Variants in WASL observed in about 807,000 individuals in gnomAD.
WASL encodes the protein actin nucleation-promoting factor WASL.
A neutral mutation model predicts 55.5 loss-of-function variants in WASL; 20 were observed. The ratio of observed to expected loss-of-function variants is 0.36; its 90% CI spans 0.25 to 0.52. The LOEUF is 0.52. WASL is among the 20% of genes least tolerant of loss of function. The pLI is 0.92. For synonymous variants in WASL, 249 were observed against 217.6 expected (o/e 1.14, Z -1.27); for missense variants, 504 against 622.5 (o/e 0.81, Z 2.03).
chr7:123,743,381 G>C (rs926292338), intron 1 of WASL, among the ~76,000 whole-genome samples: 1 of 151,320 alleles, frequency 6.6e-6, no homozygotes, highest in Non-Finnish European at 1.5e-5. Flanking sequence ...CACAATGTAT[G>C]GTAGCAGAGC....
At chr7:123,748,518 C>T in intron 1 of WASL, 100 bp downstream of exon 1, 2 of 1,315,958 alleles carry the variant, frequency 1.5e-6, no homozygotes, top group Non-Finnish European at 2.1e-6. Context: ...AGGCCTGGCC[C>T]GCGCCGCTCC....
At chr7:123,698,143 G>C (rs1387165144) in intron 5 of WASL, among the ~76,000 whole-genome samples, 1 of 151,448 alleles carries the variant, frequency 6.6e-6, no homozygotes, top group Non-Finnish European at 1.5e-5. Context: ...ATAAATGTTT[G>C]CCATGAGTAC....
At chr7:123,727,497 A>G (rs1804070776) in intron 1 of WASL, among the ~76,000 whole-genome samples, 1 of 152,178 alleles carries the variant, frequency 6.6e-6, no homozygotes, top group Non-Finnish European at 1.5e-5. Context: ...GTAAACACTG[A>G]CCAGTTGACT....
In WASL at chr7:123,689,038, CT is replaced by C; in HGVS notation, c.1456+3del. The C allele has an allele frequency of 6.8e-7, 1 of 1,468,666 alleles. No individual in the cohort carries two copies. The highest frequency in any genetic ancestry group is 9.5e-7 in the Non-Finnish European group (1 of 1,057,930). The allele number at this position is 1,468,666 out of a possible 1,614,324, so 91.0% of individuals were successfully genotyped here. ...TCTCTCTCTCTCTCTCTCTCTCTCT[CT>C]ACCTGAAGAATGAATGGCTTTGCTC... On this transcript the variant is annotated splice_donor_region_variant and intron_variant, in intron 10 of 10. Transcript: ENST00000223023.
intron 1 of WASL, among the ~76,000 whole-genome samples, chr7:123,736,937 C>T (rs1170358505): frequency 6.6e-6 from 1 of 152,132 alleles, no homozygotes; most frequent in East Asian, 1.9e-4. Flanking sequence ...GAGAGACTTA[C>T]TCTTATCAAA....
At chr7:123,697,546 A>C (rs1430957428) in intron 5 of WASL, among the ~76,000 whole-genome samples, 6 of 152,226 alleles carry the variant, frequency 3.9e-5, no homozygotes, top group Non-Finnish European at 7.3e-5. Context: ...AAAGGGCAAC[A>C]CATGTTCCTC....
chr7:123,744,549 T>G (rs917981231), intron 1 of WASL, among the ~76,000 whole-genome samples: 2 of 152,098 alleles, frequency 1.3e-5, no homozygotes, highest in Admixed American at 1.3e-4. Context: ...TAAGGTTGAT[T>G]AATAAAAATG....
chr7:123,731,682 T>C (rs1030338215), intron 1 of WASL, among the ~76,000 whole-genome samples: 1 of 152,132 alleles, frequency 6.6e-6, no homozygotes, highest in Admixed American at 6.5e-5. Context: ...TAAACATACT[T>C]CTAAATAATT....
chr7:123,710,303 CATATAA>C (rs1803734729), intron 1 of WASL, among the ~76,000 whole-genome samples: 1 of 150,346 alleles, frequency 6.7e-6, no homozygotes, highest in African/African-American at 2.4e-5. Context: ...TAAAATATTT[CATATAA>C]ATATATATTT....
In WASL at chr7:123,692,657, G is replaced by A; in HGVS notation, c.1037C>T (p.Pro346Leu). Residue 346 changes from proline to leucine, a missense_variant, in exon 9 of 11, where the codon CCA (proline) becomes CTA (leucine). Physicochemically the swap from Pro to Leu is moderately conservative, Grantham distance 98 (BLOSUM62 -3). This residue lies in a region of WASL where 201 missense variants were observed against 206.2 expected (regional missense o/e 0.97). Transcript: ENST00000223023. The stretch of plus-strand genomic sequence containing the variant: ...TGCTGAGGAGGGAAGGGCTGGAGGT[G>A]GAGGAGGGTACATCCTATTTGGCGG... ...PPPPNRMYPP[P>L]PPALPSSAPS... 2 of 1,566,066 alleles carry A rather than the reference G, an allele frequency of 1.3e-6. No homozygotes were observed. The highest frequency in any genetic ancestry group is 1.7e-6 in the Non-Finnish European group (2 of 1,159,472).
intron 1 of WASL, 30 bp downstream of exon 1, chr7:123,748,588 C>CG (rs778767568): frequency 1.1e-5 from 17 of 1,609,464 alleles, no homozygotes; most frequent in Non-Finnish European, 1.4e-5. Flanking sequence ...GGTAATGTCA[C>CG]GGGTGGCGAC....
intron 5 of WASL, among the ~76,000 whole-genome samples, chr7:123,700,274 AGATGGGAAATT>A (rs1242442412): frequency 6.6e-6 from 1 of 150,464 alleles, no homozygotes; most frequent in Non-Finnish European, 1.5e-5. Context: ...AATTAGTATT[AGATGGGAAATT>A]AGAGTTTCTT....
intron 1 of WASL, among the ~76,000 whole-genome samples, chr7:123,712,159 G>GT (rs202164365): frequency 2.9e-3 from 438 of 150,128 alleles, no homozygotes; most frequent in Non-Finnish European, 2.3e-3. Context: ...GGTTTGTTTG[G>GT]TTTTTTTTTC....
intron 1 of WASL, chr7:123,720,258 T>A (rs1338271750): frequency 2.4e-6 from 1 of 415,494 alleles, no homozygotes; most frequent in East Asian, 7.0e-5. Context: ...TATCCAAAAT[T>A]ACTCGAATAT....
intron 10 of WASL, among the ~76,000 whole-genome samples, chr7:123,686,095 G>T (rs1440977553): frequency 6.6e-6 from 1 of 151,240 alleles, no homozygotes; most frequent in Non-Finnish European, 1.5e-5. Flanking sequence ...AGAAGTACTG[G>T]AGCTCTAGTA....
intron 1 of WASL, among the ~76,000 whole-genome samples, chr7:123,730,818 G>C (rs531409065): frequency 4.6e-5 from 7 of 152,120 alleles, no homozygotes; most frequent in Admixed American, 6.5e-5. Flanking sequence ...TTTATTTTAG[G>C]TTCAGGGAGT....
intron 1 of WASL, among the ~76,000 whole-genome samples, chr7:123,736,931 GACTT>G (rs1462307363): frequency 1.3e-5 from 2 of 152,214 alleles, no homozygotes; most frequent in Non-Finnish European, 2.9e-5. Flanking sequence ...AGTAATGAGA[GACTT>G]ACTCTTATCA....
intron 1 of WASL, among the ~76,000 whole-genome samples, chr7:123,738,176 T>TAATG (rs960530858): frequency 6.6e-6 from 1 of 151,804 alleles, no homozygotes; most frequent in Non-Finnish European, 1.5e-5. Context: ...AGAGGTTAAT[T>TAATG]ACACATAAAT....
chr7:123,708,225 C>T (rs1803702633), intron 2 of WASL, among the ~76,000 whole-genome samples: 1 of 152,024 alleles, frequency 6.6e-6, no homozygotes, highest in South Asian at 2.1e-4. Flanking sequence ...TTACCAAATA[C>T]CATAACTGAG....
Sources: allele counts gnomAD v4.1 joint callset (sites outside exome capture counted in the v4.1 genomes callset), GRCh38; gene constraint gnomAD v4.1.1; regional missense constraint gnomAD v4.1.1; transcripts MANE v1.5; gene names NCBI Gene and HGNC (gene_info 2026-07-23, HGNC 2026-07-21).